The following CDH12 variants were observed in gnomAD, a reference collection of about 807,000 sequenced individuals.
CDH12 encodes the protein cadherin 12, also known as cadherin-12.
Under a neutral mutation model 74.1 loss-of-function variants are expected in CDH12, and 41 were observed. The observed-to-expected ratio is 0.55, with a 90% CI of 0.43 to 0.72. CDH12 has a LOEUF of 0.72. Ranked by LOEUF, CDH12 falls within the 30% of genes least tolerant of loss-of-function variation. CDH12 has a pLI of 0.00. For synonymous variants in CDH12, 399 were observed against 355.0 expected (o/e 1.12, Z -1.39); for missense variants, 945 against 977.2 (o/e 0.97, Z 0.44).
At chr5:22,826,903 T>C (rs1736356228) in intron 1 of CDH12, among the ~76,000 whole-genome samples, 1 of 152,134 alleles carries the variant, frequency 6.6e-6, no homozygotes, top group African/African-American at 2.4e-5. Flanking sequence ...AATGCAATAG[T>C]AAAGAAAATC....
chr5:22,476,882 T>A (rs962783484), intron 2 of CDH12, among the ~76,000 whole-genome samples: 2 of 152,126 alleles, frequency 1.3e-5, no homozygotes, highest in African/African-American at 4.8e-5. Flanking sequence ...CAATCACACA[T>A]CTTTTACCTA....
intron 3 of CDH12, among the ~76,000 whole-genome samples, chr5:22,386,242 A>G (rs1260007469): frequency 1.3e-5 from 2 of 152,152 alleles, no homozygotes; most frequent in East Asian, 3.9e-4. Context: ...CATGGCAAGA[A>G]CAGCAAGGGA....
At chr5:22,807,801 T>C (rs546339834) in intron 1 of CDH12, among the ~76,000 whole-genome samples, 74 of 152,050 alleles carry the variant, frequency 4.9e-4, no homozygotes, top group African/African-American at 1.7e-3. Flanking sequence ...ACACTCACCA[T>C]GAATGGAGCT....
chr5:22,750,274 C>T (rs181774270), intron 1 of CDH12, among the ~76,000 whole-genome samples: 9 of 152,116 alleles, frequency 5.9e-5, no homozygotes, highest in Non-Finnish European at 1.2e-4. Flanking sequence ...AAACTGGGTT[C>T]GCATGCTGTA....
intron 8 of CDH12, among the ~76,000 whole-genome samples, chr5:21,824,323 C>T (rs2149956303): frequency 6.6e-6 from 1 of 152,240 alleles, no homozygotes; most frequent in African/African-American, 2.4e-5. Flanking sequence ...TCTGGAGCTG[C>T]ACAGTGCACT....
At chr5:22,307,449 C>T (rs1738161793) in intron 3 of CDH12, among the ~76,000 whole-genome samples, 1 of 152,120 alleles carries the variant, frequency 6.6e-6, no homozygotes, top group African/African-American at 2.4e-5. Context: ...GTAGGAGACA[C>T]AATGTGTATG....
intron 1 of CDH12, among the ~76,000 whole-genome samples, chr5:22,599,514 A>G (rs1462226524): frequency 6.6e-6 from 1 of 152,092 alleles, no homozygotes; most frequent in Non-Finnish European, 1.5e-5. Flanking sequence ...ACTTGCCTAC[A>G]GTTCTTATCA....
At chr5:22,652,053 C>A (rs572298254) in intron 1 of CDH12, among the ~76,000 whole-genome samples, 16 of 152,098 alleles carry the variant, frequency 1.1e-4, no homozygotes, top group Non-Finnish European at 2.2e-4. Flanking sequence ...TTACTGAATA[C>A]TTCTAGGATA....
intron 1 of CDH12, among the ~76,000 whole-genome samples, chr5:22,747,450 C>T (rs1745347791): frequency 6.7e-6 from 1 of 148,296 alleles, no homozygotes; most frequent in African/African-American, 2.5e-5. Context: ...AAAGTGAGAC[C>T]CTGTCTGTAC....
At chr5:22,290,763 G>A (rs1340775100) in intron 3 of CDH12, among the ~76,000 whole-genome samples, 7 of 151,984 alleles carry the variant, frequency 4.6e-5, no homozygotes, top group African/African-American at 1.4e-4. Flanking sequence ...AAACTAATTG[G>A]AAAAATAACT....
chr5:22,422,560 T>G (rs964373066), intron 2 of CDH12, among the ~76,000 whole-genome samples: 1 of 152,142 alleles, frequency 6.6e-6, no homozygotes, highest in Non-Finnish European at 1.5e-5. Flanking sequence ...GATGACACAT[T>G]GCATGATACG....
At chr5:22,573,164 C>G (rs999140650) in intron 1 of CDH12, among the ~76,000 whole-genome samples, 2 of 152,128 alleles carry the variant, frequency 1.3e-5, no homozygotes, top group Non-Finnish European at 2.9e-5. Flanking sequence ...CTGTATGAGT[C>G]ACTTAAACTT....
intron 6 of CDH12, among the ~76,000 whole-genome samples, chr5:21,910,484 G>A (rs373078721): frequency 2.4e-4 from 36 of 152,078 alleles, no homozygotes; most frequent in African/African-American, 2.9e-4. Flanking sequence ...TTGCAAGATC[G>A]TGCAAATGTA....
intron 4 of CDH12, among the ~76,000 whole-genome samples, chr5:22,180,189 G>A (rs969435198): frequency 5.9e-5 from 9 of 152,038 alleles, no homozygotes; most frequent in African/African-American, 1.7e-4. Flanking sequence ...TAAACCATTC[G>A]ACTGCCTCAT....
intron 5 of CDH12, among the ~76,000 whole-genome samples, chr5:22,013,795 A>T (rs539846985): frequency 6.6e-6 from 1 of 152,210 alleles, no homozygotes; most frequent in African/African-American, 2.4e-5. Flanking sequence ...CTTATTGTGA[A>T]GATGTTTTCG....
chr5:22,383,998 C>A (rs1028434733), intron 3 of CDH12, among the ~76,000 whole-genome samples: 20 of 152,048 alleles, frequency 1.3e-4, no homozygotes, highest in African/African-American at 4.6e-4. Context: ...GATGTAATAT[C>A]TCCATTGTGG....
At chr5:21,868,374 A>G (rs1441600670) in intron 6 of CDH12, among the ~76,000 whole-genome samples, 1 of 152,156 alleles carries the variant, frequency 6.6e-6, no homozygotes, top group Non-Finnish European at 1.5e-5. Context: ...CTGAGAGTAG[A>G]GCTGGTCTCA....
In CDH12 at chr5:21,900,022, T is replaced by C. The variant is rs1753308520; in HGVS notation, c.527-45232A>G. On this transcript the variant is annotated intron_variant, in intron 6 of 14. Coordinates refer to ENST00000382254, the MANE Select transcript of CDH12 (RefSeq NM_004061.5). ...TATATATACAAATCCACAGATTTTA[T>C]ATATCTAGCTAGATACATAGATAGT... Among the ~76,000 whole-genome samples the C allele has an allele frequency of 2.0e-5, 3 of 152,184 alleles. No individual in the cohort carries two copies. The South Asian group carries it at 6.2e-4, about 32-fold the overall frequency.
intron 3 of CDH12, among the ~76,000 whole-genome samples, chr5:22,384,625 G>A (rs1012248316): frequency 2.6e-5 from 4 of 151,900 alleles, no homozygotes; most frequent in African/African-American, 9.7e-5. Context: ...GCTTGGCAAT[G>A]GCTTATGTTC....
Sources: gnomAD v4.1 joint callset for allele counts (sites outside exome capture counted in the v4.1 genomes callset) on GRCh38, gnomAD v4.1.1 for gene constraint, MANE v1.5 for transcripts, NCBI Gene and HGNC (gene_info 2026-07-23, HGNC 2026-07-21) for gene names.